Variants in SLC25A48 observed in about 807,000 individuals in gnomAD.
SLC25A48 encodes CTC-321K16.1.
In SLC25A48, 29 loss-of-function variants were observed where a neutral mutation model predicts 32.2. The observed-to-expected ratio is 0.90, with a 90% CI of 0.67 to 1.23. SLC25A48 has a LOEUF of 1.23. SLC25A48 is among the 50% of genes most tolerant of loss of function. SLC25A48 has a pLI of 0.00. For synonymous variants in SLC25A48, 164 were observed against 172.3 expected, an observed-to-expected ratio of 0.95 and a Z score of 0.38; for missense variants, 399 against 422.7, an observed-to-expected ratio of 0.94 and a Z score of 0.49.
At chr5:135,723,729 A>G (rs1389247063) in intron 3 of SLC25A48, among the ~76,000 whole-genome samples, 2 of 152,026 alleles carry the variant, frequency 1.3e-5, no homozygotes, top group Non-Finnish European at 2.9e-5. Flanking sequence ...TTTCTCCCTT[A>G]TATCTTAACC....
intron 4 of SLC25A48, among the ~76,000 whole-genome samples, chr5:135,815,988 C>T (rs1477049412): frequency 1.3e-5 from 2 of 152,222 alleles, no homozygotes; most frequent in African/African-American, 4.8e-5. Flanking sequence ...GTTTAATTGA[C>T]TCACAGTTCC....
In SLC25A48 at chr5:135,725,059, A is replaced by C. The variant is rs148521565; in HGVS notation, c.-520-87464A>C. On this transcript the variant is annotated intron_variant, in intron 3 of 10. Coordinates refer to the SLC25A48 transcript ENST00000646290. ...CTTTTGAGTCTTCCACAAGTAGTAA[A>C]AATCCTGAGAGGGACCTTCGTGATG... 6.5e-3 allele frequency among the ~76,000 whole-genome samples: 995 copies of C among 152,340 alleles called. 3 individuals carry two copies. Among genetic ancestry groups the C allele is most frequent in the Middle Eastern group, 0.01 (3 of 294 alleles).
chr5:135,835,638 C>T lies in SLC25A48; in HGVS notation c.46+745C>T, dbSNP rs555942272. On this transcript the variant is annotated intron_variant, in intron 1 of 7. Transcript: ENST00000681962. ...AATTGGTCTATCCCTCTTTTCTCAGCTATTAGGAAAGGGGGAAGTTTGAGG... is the reference window on the plus strand; with the variant it reads ...AATTGGTCTATCCCTCTTTTCTCAGTTATTAGGAAAGGGGGAAGTTTGAGG... 1.1e-4 allele frequency among the ~76,000 whole-genome samples: 14 copies of T among 131,006 alleles called. No homozygotes were observed. The East Asian group carries it at 1.6e-3, about 15-fold the overall frequency. 85.9% of individuals were successfully genotyped at this position (131,006 alleles called of 152,430 possible).
At chr5:135,757,492 TATG>T (rs993467108) in intron 3 of SLC25A48, among the ~76,000 whole-genome samples, 23 of 149,424 alleles carry the variant, frequency 1.5e-4, no homozygotes, top group Non-Finnish European at 2.4e-4. Context: ...ATATCATCTA[TATG>T]ATATTTATAA....
At chr5:135,583,051 A>G (rs760011186) in intron 1 of SLC25A48, among the ~76,000 whole-genome samples, 9 of 152,174 alleles carry the variant, frequency 5.9e-5, no homozygotes, top group African/African-American at 1.7e-4. Flanking sequence ...AGTGATTGGC[A>G]TGTAGCAGGG....
intron 3 of SLC25A48, among the ~76,000 whole-genome samples, chr5:135,775,601 A>G (rs1379342467): frequency 6.6e-6 from 1 of 151,554 alleles, no homozygotes; most frequent in African/African-American, 2.4e-5. Flanking sequence ...AGTAATCTTA[A>G]TAACGCAGGA....
chr5:135,706,657 G>A (rs1482160804), intron 3 of SLC25A48, among the ~76,000 whole-genome samples: 1 of 152,124 alleles, frequency 6.6e-6, no homozygotes, highest in African/African-American at 2.4e-5. Context: ...GAGCTGCCTG[G>A]ATGCCCAGAA....
intron 3 of SLC25A48, among the ~76,000 whole-genome samples, chr5:135,656,128 T>C (rs1406855833): frequency 1.3e-5 from 2 of 152,186 alleles, no homozygotes; most frequent in African/African-American, 4.8e-5. Flanking sequence ...TTAGTTGGCT[T>C]TAAGAACTCT....
chr5:135,620,515 GCTTTCATAGGGGGTTGCAAT>G (rs1752300858), intron 1 of SLC25A48, among the ~76,000 whole-genome samples: 1 of 152,128 alleles, frequency 6.6e-6, no homozygotes, highest in South Asian at 2.1e-4. Flanking sequence ...AAGATTGGAA[GCTTTCATAGGGGGTTGCAAT>G]CTTTACTCAT....
At chr5:135,604,469 T>C (rs1751883492) in intron 1 of SLC25A48, among the ~76,000 whole-genome samples, 1 of 152,220 alleles carries the variant, frequency 6.6e-6, no homozygotes. Flanking sequence ...CCTGGGGCAC[T>C]GAGGGATGGG....
At chr5:135,687,944 T>A (rs1245375236) in intron 3 of SLC25A48, among the ~76,000 whole-genome samples, 1 of 152,232 alleles carries the variant, frequency 6.6e-6, no homozygotes, top group South Asian at 2.1e-4. Flanking sequence ...ATTTTAAGTG[T>A]ACAGCTCAGT....
intron 1 of SLC25A48, among the ~76,000 whole-genome samples, chr5:135,835,479 G>T (rs1195310713): frequency 1.3e-5 from 2 of 152,098 alleles, no homozygotes; most frequent in Non-Finnish European, 2.9e-5. Flanking sequence ...CTACCTCCAA[G>T]GCCCCTTCTC....
intron 3 of SLC25A48, among the ~76,000 whole-genome samples, chr5:135,798,667 G>T (rs1189591227): frequency 6.6e-6 from 1 of 151,276 alleles, no homozygotes; most frequent in Non-Finnish European, 1.5e-5. Context: ...AAGGTGAGAG[G>T]ATAATATTAC....
intron 3 of SLC25A48, among the ~76,000 whole-genome samples, chr5:135,769,383 G>A (rs1397731628): frequency 6.6e-6 from 1 of 150,992 alleles, no homozygotes; most frequent in Non-Finnish European, 1.5e-5. Context: ...CCCAAGGAGT[G>A]AACACCACTC....
At chr5:135,680,065 C>A (rs1464439097) in intron 3 of SLC25A48, among the ~76,000 whole-genome samples, 2 of 152,160 alleles carry the variant, frequency 1.3e-5, no homozygotes, top group Non-Finnish European at 2.9e-5. Context: ...CAATCCCAGC[C>A]AAGCAGGCTG....
intron 4 of SLC25A48, among the ~76,000 whole-genome samples, chr5:135,868,021 T>G (rs936780585): frequency 3.3e-5 from 5 of 152,182 alleles, no homozygotes; most frequent in African/African-American, 1.2e-4. Context: ...ACAAAACAGT[T>G]TATTTCAAAT....
At chr5:135,802,786 G>C (rs1007296403) in intron 3 of SLC25A48, among the ~76,000 whole-genome samples, 4 of 150,116 alleles carry the variant, frequency 2.7e-5, no homozygotes, top group Admixed American at 6.7e-5. Context: ...CACAATGTAA[G>C]TACACCCTGT....
At chr5:135,712,751 C>T (rs1754696785) in intron 3 of SLC25A48, among the ~76,000 whole-genome samples, 1 of 152,222 alleles carries the variant, frequency 6.6e-6, no homozygotes, top group South Asian at 2.1e-4. Context: ...CTGCCCCTTG[C>T]ACTTGGGGCA....
At chr5:135,579,855 A>G (rs1751192797) in intron 1 of SLC25A48, among the ~76,000 whole-genome samples, 1 of 152,190 alleles carries the variant, frequency 6.6e-6, no homozygotes, top group Admixed American at 6.5e-5. Context: ...TGCGAGGTAT[A>G]GTGGTGTGAG....
Sources: allele counts gnomAD v4.1 joint callset (sites outside exome capture counted in the v4.1 genomes callset), GRCh38; gene constraint gnomAD v4.1.1; transcripts MANE v1.5; gene names NCBI Gene and HGNC (gene_info 2026-07-23, HGNC 2026-07-21).